ERAP1: variants seen among roughly 807,000 people sequenced by gnomAD.
The protein encoded by ERAP1 is adipocyte-derived leucine aminopeptidase.
ERAP1 carries 86 observed loss-of-function variants against 103.7 expected under a neutral mutation model. The observed-to-expected ratio is 0.83, with a 90% CI of 0.70 to 0.99. The LOEUF is 0.99. ERAP1 is among the 50% of genes least tolerant of loss of function. The pLI is 0.00. For synonymous variants in ERAP1, 398 were observed against 402.4 expected, an observed-to-expected ratio of 0.99 and a Z score of 0.13; for missense variants, 1,009 against 1,128.4, an observed-to-expected ratio of 0.89 and a Z score of 1.52.
chr5:96,911,866 C>CAAAAAAAAAAAAAAA, the ERAP1 span, among the ~76,000 whole-genome samples: 21 of 56,348 alleles, frequency 3.7e-4, no homozygotes, highest in South Asian at 7.3e-4. Context: ...GACCCTGTCT[C>CAAAAAAAAAAAAAAA]AAAAAAAAAA....
intron 2 of ERAP1, among the ~76,000 whole-genome samples, chr5:96,801,722 C>T (rs1026339055): frequency 3.3e-5 from 5 of 151,204 alleles, no homozygotes; most frequent in African/African-American, 9.7e-5. Flanking sequence ...TGTGGTGGTG[C>T]GCGTCTGTAA....
the ERAP1 span, chr5:96,895,395 G>A: frequency 1.5e-6 from 2 of 1,313,982 alleles, no homozygotes; most frequent in Non-Finnish European, 2.2e-6. Context: ...ACTATATGGT[G>A]TAAAGAATCA....
the ERAP1 span, among the ~76,000 whole-genome samples, chr5:96,925,417 T>A: frequency 6.6e-6 from 1 of 152,250 alleles, no homozygotes. Context: ...GGGCCCAGGC[T>A]CTCACCTCAG....
intron 2 of ERAP1, among the ~76,000 whole-genome samples, 178 bp from the exon 3 acceptor site, chr5:96,801,178 G>A (rs1047380689): frequency 2.6e-5 from 4 of 152,212 alleles, no homozygotes; most frequent in Non-Finnish European, 5.9e-5. Flanking sequence ...ACTGGGCATG[G>A]TCATGGTGTC....
the ERAP1 span, among the ~76,000 whole-genome samples, chr5:96,923,680 T>A: frequency 6.9e-6 from 1 of 143,906 alleles, no homozygotes; most frequent in Non-Finnish European, 1.5e-5. Context: ...GGCGACACAG[T>A]GAGACTCTGT....
At chr5:96,906,204 CCCT>C in the ERAP1 span, among the ~76,000 whole-genome samples, 52 of 151,696 alleles carry the variant, frequency 3.4e-4, no homozygotes, top group African/African-American at 1.1e-3. Context: ...TTCTTCCTCC[CCCT>C]CCTCCTCCTC....
At chr5:96,886,756 CT>C in the ERAP1 span, 1 of 1,531,214 alleles carries the variant, frequency 6.5e-7, no homozygotes, top group Admixed American at 1.7e-5. Flanking sequence ...GTGATTTCCA[CT>C]CTCTGAGTGG....
chr5:96,781,050 C>T lies in ERAP1; in HGVS notation c.2588+8G>A. 6.2e-7 allele frequency: 1 copy of T among 1,614,014 alleles called. No homozygotes were observed. The highest frequency in any genetic ancestry group is 8.5e-7 in the Non-Finnish European group (1 of 1,179,976). ...TCCAGTCACAGCACAATTTTTGGCA[C>T]CACTTACTTTTGTACAAGTTTGTTC... On this transcript the variant is annotated splice_region_variant and intron_variant, in intron 17 of 18. Coordinates refer to ENST00000443439, the MANE Select transcript of ERAP1 (RefSeq NM_001040458.3).
chr5:96,801,724 C>G (rs1436610404), intron 2 of ERAP1, among the ~76,000 whole-genome samples: 1 of 151,150 alleles, frequency 6.6e-6, no homozygotes, highest in East Asian at 2.0e-4. Flanking sequence ...TGGTGGTGCG[C>G]GTCTGTAATC....
chr5:96,873,615 C>T, the ERAP1 span: 10 of 370,250 alleles, frequency 2.7e-5, no homozygotes, highest in East Asian at 1.5e-4. Flanking sequence ...ACACTTGGCT[C>T]ATCCAGAAGT....
the ERAP1 span, among the ~76,000 whole-genome samples, chr5:96,910,668 A>C: frequency 6.6e-6 from 1 of 152,244 alleles, no homozygotes; most frequent in African/African-American, 2.4e-5. Flanking sequence ...AACATGTTGA[A>C]TATACCTATG....
chr5:96,886,553 C>A, the ERAP1 span: 1 of 1,013,280 alleles, frequency 9.9e-7, no homozygotes, highest in Non-Finnish European at 1.3e-6. Context: ...GATTGTCCTT[C>A]AGAGTATGAG....
At chr5:96,914,460 T>A in the ERAP1 span, among the ~76,000 whole-genome samples, 1 of 152,200 alleles carries the variant, frequency 6.6e-6, no homozygotes, top group Non-Finnish European at 1.5e-5. Context: ...TGCTTTAATA[T>A]GTATGTTTGT....
rs550951893 is a variant in ERAP1 at position 96,780,407 on chromosome 5, G to A, written c.2670+16C>T. ...ATTTATGTTTAAAAATATATATATA[G>A]ATTTTTTTTTTTTACCTCTTCAAGC... On this transcript the variant is annotated intron_variant, in intron 18 of 18. Transcript: ENST00000443439. The A allele has an allele frequency of 7.2e-7, 1 of 1,391,802 alleles. No individual in the cohort carries two copies. The highest frequency in any genetic ancestry group is 9.8e-7 in the Non-Finnish European group (1 of 1,017,550). 86.2% of individuals were successfully genotyped at this position (1,391,802 alleles called of 1,614,324 possible). A position where few individuals can be genotyped will look rare whatever the true frequency, so the allele number is the denominator to read the frequency against.
the ERAP1 span, among the ~76,000 whole-genome samples, chr5:96,866,349 A>G: frequency 6.6e-6 from 1 of 152,224 alleles, no homozygotes; most frequent in Non-Finnish European, 1.5e-5. Flanking sequence ...TAAAGAGCCA[A>G]CTTTTAGGCT....
the ERAP1 span, among the ~76,000 whole-genome samples, chr5:96,821,550 A>G: frequency 6.6e-6 from 1 of 152,198 alleles, no homozygotes; most frequent in East Asian, 1.9e-4. Context: ...GCAGGGGCAG[A>G]GTATCCTTTA....
At chr5:96,895,093 A>T in the ERAP1 span, among the ~76,000 whole-genome samples, 1 of 152,154 alleles carries the variant, frequency 6.6e-6, no homozygotes, top group Non-Finnish European at 1.5e-5. Flanking sequence ...CAAGGAAATC[A>T]GTAGAAGAAA....
At chr5:96,789,212 C>T (rs533022547) in intron 10 of ERAP1, among the ~76,000 whole-genome samples, 1 of 152,262 alleles carries the variant, frequency 6.6e-6, no homozygotes, top group Admixed American at 6.5e-5. Context: ...AAAGGCTGGG[C>T]GCGGTGGCTC....
At chr5:96,902,770 C>A in the ERAP1 span, 1 of 159,034 alleles carries the variant, frequency 6.3e-6, no homozygotes, top group Non-Finnish European at 1.4e-5. Context: ...CACACTCATC[C>A]TGAGCTTCAA....
Sources: gnomAD v4.1 joint callset for allele counts (sites outside exome capture counted in the v4.1 genomes callset) on GRCh38, gnomAD v4.1.1 for gene constraint, MANE v1.5 for transcripts, NCBI Gene and HGNC (gene_info 2026-07-23, HGNC 2026-07-21) for gene names.